STRADB: variants seen among roughly 807,000 people sequenced by gnomAD.
STRADB encodes STE20 related adaptor beta, also known as STE20-related kinase adapter protein beta.
STRADB carries 34 observed loss-of-function variants against 52.1 expected under a neutral mutation model. The observed-to-expected ratio is 0.65, with a 90% CI of 0.50 to 0.87. STRADB has a LOEUF of 0.87. STRADB is among the 40% of genes least tolerant of loss of function. The probability of loss-of-function intolerance (pLI) is 0.00; values close to 1 mark genes in which losing one functional copy is unlikely to be tolerated. For missense variants in STRADB, 340 were observed against 483.9 expected, an observed-to-expected ratio of 0.70 and a Z score of 2.79; for synonymous variants, 133 against 174.5, an observed-to-expected ratio of 0.76 and a Z score of 1.87.
intron 3 of STRADB, among the ~76,000 whole-genome samples, chr2:201,468,074 CT>C (rs756553675): frequency 1.4e-5 from 1 of 73,718 alleles, no homozygotes; most frequent in East Asian, 3.3e-4. Context: ...TGAGTCCTGC[CT>C]TTTTTTTTTC....
Position 201,468,085 on chromosome 2 carries a change from C to CTTTTTTTT in STRADB, c.94-1852_94-1845dup, listed in dbSNP as rs536551120. Reference sequence around the variant, plus strand: ...ATTGTGAGTCCTGCCTTTTTTTTTTCTTTTTTTTTTTTTTTTTTTTTTTGG... The same window carrying CTTTTTTTT: ...ATTGTGAGTCCTGCCTTTTTTTTTTCTTTTTTTTTTTTTTTTTTTTTTTTTTTTTTTGG... On this transcript the variant is annotated intron_variant, in intron 3 of 11. Coordinates refer to ENST00000194530, the MANE Select transcript of STRADB (RefSeq NM_018571.6). Among the ~76,000 whole-genome samples the CTTTTTTTT allele has an allele frequency of 4.1e-4, 29 of 71,008 alleles. 1 individual carries two copies. Among genetic ancestry groups the CTTTTTTTT allele is most frequent in the African/African-American group, 6.8e-4 (14 of 20,504 alleles). 46.6% of individuals were successfully genotyped at this position (71,008 alleles called of 152,430 possible).
chr2:201,453,960 G>C (rs549405579), intron 1 of STRADB, among the ~76,000 whole-genome samples: 5 of 152,234 alleles, frequency 3.3e-5, no homozygotes, highest in African/African-American at 1.2e-4. Context: ...AATAAAATTG[G>C]ATATTGCTTT....
At chr2:201,457,762 A>G (rs1576551581) in intron 2 of STRADB, among the ~76,000 whole-genome samples, 2 of 152,196 alleles carry the variant, frequency 1.3e-5, no homozygotes, top group African/African-American at 2.4e-5. Context: ...GCTCACGCCT[A>G]TAATCCCAGC....
chr2:201,457,581 T>G (rs757504643), intron 2 of STRADB: 1 of 152,216 alleles, frequency 6.6e-6, no homozygotes, highest in Admixed American at 6.5e-5. Context: ...CTAGTTTGAT[T>G]AGTGAGAAAT....
At chr2:201,477,869 T>C in intron 8 of STRADB, 79 bp downstream of exon 8, 1 of 1,534,488 alleles carries the variant, frequency 6.5e-7, no homozygotes, top group South Asian at 1.2e-5. Context: ...TGTGTCTTTA[T>C]ATTTGGATTG....
At chr2:201,459,973 A>C in intron 3 of STRADB, among the ~76,000 whole-genome samples, 1 of 152,110 alleles carries the variant, frequency 6.6e-6, no homozygotes, top group Non-Finnish European at 1.5e-5. Context: ...TGTATCTTAG[A>C]TATATCTAAG....
At chr2:201,473,181 A>G (rs1373566825) in intron 5 of STRADB, 105 bp downstream of exon 5, 2 of 989,536 alleles carry the variant, frequency 2.0e-6, no homozygotes, top group African/African-American at 3.4e-5. Flanking sequence ...TTTAAAATAA[A>G]TAATACAATA....
intron 4 of STRADB, among the ~76,000 whole-genome samples, chr2:201,470,529 G>A (rs1952373235): frequency 6.6e-6 from 1 of 152,220 alleles, no homozygotes; most frequent in African/African-American, 2.4e-5. Context: ...CATTTGCTCT[G>A]AATATTTAGA....
chr2:201,477,538 A>G (rs1952497794), intron 7 of STRADB, 81 bp from the exon 8 acceptor site: 2 of 1,381,830 alleles, frequency 1.4e-6, no homozygotes, highest in East Asian at 4.6e-5. Flanking sequence ...AAGAGAATAT[A>G]TGGATTTGTT....
At chr2:201,479,695 A>G (rs1390056281) in intron 11 of STRADB, among the ~76,000 whole-genome samples, 164 bp downstream of exon 11, 2 of 152,224 alleles carry the variant, frequency 1.3e-5, no homozygotes, top group African/African-American at 4.8e-5. Context: ...TCAATTATAG[A>G]CTTTCTAAAA....
intron 8 of STRADB, 106 bp from the exon 9 acceptor site, chr2:201,477,981 T>TTTC: frequency 8.3e-7 from 1 of 1,205,602 alleles, no homozygotes; most frequent in East Asian, 2.4e-5. Flanking sequence ...CGCTTATGGG[T>TTTC]TTCTTTTCCA....
At chr2:201,478,745 AGTGGGAAC>A (rs1952521950) in intron 10 of STRADB, 144 bp downstream of exon 10, 1 of 1,014,366 alleles carries the variant, frequency 9.9e-7, no homozygotes, top group East Asian at 2.6e-5. Context: ...AAGAACAATT[AGTGGGAAC>A]AAGCAAATGA....
intron 3 of STRADB, among the ~76,000 whole-genome samples, chr2:201,468,860 C>G (rs1461910405): frequency 6.6e-6 from 1 of 152,126 alleles, no homozygotes; most frequent in East Asian, 1.9e-4. Flanking sequence ...TGAAGACTAC[C>G]TGTTTTAAAG....
chr2:201,455,055 C>T (rs899849166), intron 2 of STRADB, among the ~76,000 whole-genome samples: 4 of 152,136 alleles, frequency 2.6e-5, no homozygotes, highest in African/African-American at 9.7e-5. Flanking sequence ...TCGTATACTT[C>T]AATATGTTCA....
intron 1 of STRADB, 118 bp from the exon 2 acceptor site, chr2:201,454,628 G>A (rs1368522918): frequency 2.4e-6 from 1 of 413,452 alleles, no homozygotes; most frequent in Admixed American, 4.2e-5. Context: ...TCAAGGAGTA[G>A]CTGCCTAAAT....
chr2:201,460,530 C>T (rs907195986), intron 3 of STRADB, among the ~76,000 whole-genome samples: 1 of 151,978 alleles, frequency 6.6e-6, no homozygotes, highest in Admixed American at 6.6e-5. Flanking sequence ...CCACTCTGCC[C>T]TGCACCCCTT....
rs537318364 is a variant in STRADB at position 201,480,827 on chromosome 2, A to G, written c.*652A>G. ...AATTCACGCACCCCGTGGGAGCTCAATAAAGATTTACTGAATTGAGTTTAT... is the reference window on the plus strand; with the variant it reads ...AATTCACGCACCCCGTGGGAGCTCAGTAAAGATTTACTGAATTGAGTTTAT... On this transcript the variant is annotated 3_prime_UTR_variant, in exon 12 of 12. Transcript: ENST00000194530. The G allele has an allele frequency of 1.9e-5, 19 of 985,598 alleles. No individual in the cohort carries two copies. The highest frequency in any genetic ancestry group is 3.5e-5 in the African/African-American group (2 of 57,352). 61.1% of individuals were successfully genotyped at this position (985,598 alleles called of 1,614,324 possible). A position where few individuals can be genotyped will look rare whatever the true frequency, so the allele number is the denominator to read the frequency against.
rs540429732 is a variant in STRADB at position 201,460,483 on chromosome 2, TTCTA to T, written c.93+1624_93+1627del. Among the ~76,000 whole-genome samples the T allele has an allele frequency of 1.8e-4, 28 of 152,328 alleles. 1 individual carries two copies. The highest frequency in any genetic ancestry group is 2.1e-4 in the Non-Finnish European group (14 of 68,026). ...GTTATCAAATACTAGATCTTACTCATTCTATCTAACTATATTTTTGTACTCATTA... is the reference window on the plus strand; with the variant it reads ...GTTATCAAATACTAGATCTTACTCATTCTAACTATATTTTTGTACTCATTA... On this transcript the variant is annotated intron_variant, in intron 3 of 11. Transcript: ENST00000194530.
chr2:201,471,126 T>C (rs560112392), intron 4 of STRADB, among the ~76,000 whole-genome samples: 15 of 152,324 alleles, frequency 9.8e-5, no homozygotes, highest in Non-Finnish European at 1.9e-4. Context: ...GGATCTGACC[T>C]TTTTGAAATA....
Sources: gnomAD v4.1 joint callset for allele counts (sites outside exome capture counted in the v4.1 genomes callset) on GRCh38, gnomAD v4.1.1 for gene constraint, MANE v1.5 for transcripts, NCBI Gene and HGNC (gene_info 2026-07-23, HGNC 2026-07-21) for gene names.